Variants in BMP5 observed in about 807,000 individuals in gnomAD.
BMP5 encodes bone morphogenetic protein 5.
BMP5 carries 23 observed loss-of-function variants against 46.6 expected under a neutral mutation model. That is an observed-to-expected ratio of 0.49 (90% confidence interval 0.35 to 0.70). BMP5 has a LOEUF of 0.70. Among genes scored for constraint, BMP5 ranks in the 30% least tolerant of loss-of-function variants. BMP5 has a pLI of 0.00. For missense variants in BMP5, 545 were observed against 565.6 expected, an observed-to-expected ratio of 0.96 and a Z score of 0.37; for synonymous variants, 204 against 191.9, an observed-to-expected ratio of 1.06 and a Z score of -0.52.
At chr6:55,794,085 C>G (rs1775646077) in intron 3 of BMP5, among the ~76,000 whole-genome samples, 194 bp downstream of exon 3, 1 of 152,066 alleles carries the variant, frequency 6.6e-6, no homozygotes, top group South Asian at 2.1e-4. Flanking sequence ...CACCCCAGAG[C>G]CTGACAATAA....
At chr6:55,757,318 A>G (rs891204433) in intron 6 of BMP5, among the ~76,000 whole-genome samples, 2 of 151,958 alleles carry the variant, frequency 1.3e-5, no homozygotes, top group African/African-American at 4.8e-5. Flanking sequence ...TGATAAAAAG[A>G]GGCAAAGAAT....
At chr6:55,838,365 G>C (rs1046283344) in intron 1 of BMP5, among the ~76,000 whole-genome samples, 1 of 152,120 alleles carries the variant, frequency 6.6e-6, no homozygotes, top group African/African-American at 2.4e-5. Context: ...TCTCATTGCA[G>C]TTTTGATTTG....
chr6:55,861,182 T>C (rs566803158), intron 1 of BMP5, among the ~76,000 whole-genome samples: 2 of 152,322 alleles, frequency 1.3e-5, no homozygotes, highest in South Asian at 2.1e-4. Context: ...TTGTCAGCTG[T>C]AGATGTTCCT....
intron 1 of BMP5, among the ~76,000 whole-genome samples, chr6:55,867,598 G>A (rs1171870986): frequency 6.6e-6 from 1 of 152,066 alleles, no homozygotes; most frequent in Non-Finnish European, 1.5e-5. Context: ...CTAGCATCAC[G>A]GGCAAGTGAC....
intron 4 of BMP5, among the ~76,000 whole-genome samples, chr6:55,773,673 G>A (rs567416260): frequency 6.6e-5 from 10 of 152,000 alleles, no homozygotes; most frequent in African/African-American, 2.2e-4. Context: ...ACTTAAGTAC[G>A]AAAGAAAGGA....
intron 3 of BMP5, among the ~76,000 whole-genome samples, chr6:55,784,035 T>A (rs1467099981): frequency 6.6e-6 from 1 of 151,990 alleles, no homozygotes; most frequent in East Asian, 1.9e-4. Context: ...TGCTGAACTT[T>A]GGATAAGCAA....
intron 3 of BMP5, among the ~76,000 whole-genome samples, chr6:55,784,952 T>C (rs1202437182): frequency 1.3e-5 from 2 of 151,790 alleles, no homozygotes; most frequent in Non-Finnish European, 3.0e-5. Context: ...CATTTACTCG[T>C]GTACAAAATG....
intron 1 of BMP5, among the ~76,000 whole-genome samples, chr6:55,833,529 C>T (rs1396285050): frequency 6.6e-6 from 1 of 152,074 alleles, no homozygotes; most frequent in Non-Finnish European, 1.5e-5. Flanking sequence ...TAAAATAACT[C>T]TAGGAAGCCA....
intron 4 of BMP5, chr6:55,772,745 T>C (rs1314778646): frequency 7.1e-6 from 7 of 984,938 alleles, no homozygotes; most frequent in Non-Finnish European, 8.4e-6. Context: ...TTTTAAAACA[T>C]CACCTTATAA....
At position 55,819,700 on chromosome 6, in the gene BMP5, G is replaced by A; in HGVS notation, c.638C>T (p.Thr213Ile). Residue 213 changes from threonine (T) to isoleucine (I), a missense_variant, in exon 2 of 7, where the codon ACA becomes ATA. Transcript: ENST00000370830. ...GATTTGATATATGCTAATCTTAATTGTTTCATTTTCAAATCGGTTGTTGCT... is the reference window on the plus strand; with the variant it reads ...GATTTGATATATGCTAATCTTAATTATTTCATTTTCAAATCGGTTGTTGCT... The part of the protein sequence containing the change: ...DRSNNRFENE[T>I]IKISIYQIIK... The A allele has an allele frequency of 6.2e-7, 1 of 1,613,514 alleles. No individual in the cohort carries two copies. Among genetic ancestry groups the A allele is most frequent in the Non-Finnish European group, 8.5e-7 (1 of 1,179,686 alleles).
At chr6:55,790,674 G>A (rs1775554902) in intron 3 of BMP5, among the ~76,000 whole-genome samples, 1 of 152,098 alleles carries the variant, frequency 6.6e-6, no homozygotes, top group Non-Finnish European at 1.5e-5. Flanking sequence ...TTTACTTACT[G>A]TTTCTTCATC....
chr6:55,831,650 A>G (rs537616784), intron 1 of BMP5, among the ~76,000 whole-genome samples: 11 of 152,144 alleles, frequency 7.2e-5, no homozygotes, highest in African/African-American at 2.4e-4. Context: ...AAAAATAAAA[A>G]AAAAATGTCC....
chr6:55,766,848 T>G (rs1179278915), intron 4 of BMP5, among the ~76,000 whole-genome samples: 2 of 152,006 alleles, frequency 1.3e-5, no homozygotes, highest in African/African-American at 4.8e-5. Context: ...TAGAGCCATT[T>G]CATTTCTACA....
intron 2 of BMP5, among the ~76,000 whole-genome samples, chr6:55,798,766 C>A (rs1214547787): frequency 6.6e-6 from 1 of 152,048 alleles, no homozygotes; most frequent in Non-Finnish European, 1.5e-5. Context: ...CTCATCATGA[C>A]CAGAAGTTTA....
intron 2 of BMP5, among the ~76,000 whole-genome samples, chr6:55,805,701 T>C (rs996676228): frequency 1.3e-5 from 2 of 152,186 alleles, no homozygotes; most frequent in African/African-American, 4.8e-5. Flanking sequence ...AAAGCATTCC[T>C]ATCTCTCCAC....
intron 3 of BMP5, among the ~76,000 whole-genome samples, chr6:55,789,481 T>C (rs1454128065): frequency 6.6e-6 from 1 of 152,030 alleles, no homozygotes; most frequent in Non-Finnish European, 1.5e-5. Flanking sequence ...TAAATTGCTA[T>C]CTGTGTAATA....
At chr6:55,804,254 AGAG>A (rs1423774573) in intron 2 of BMP5, among the ~76,000 whole-genome samples, 1 of 152,216 alleles carries the variant, frequency 6.6e-6, no homozygotes, top group Non-Finnish European at 1.5e-5. Flanking sequence ...TATAAGAAGA[AGAG>A]GAGAGACACA....
intron 1 of BMP5, among the ~76,000 whole-genome samples, chr6:55,849,669 A>G (rs1777177415): frequency 6.6e-6 from 1 of 152,020 alleles, no homozygotes; most frequent in Non-Finnish European, 1.5e-5. Context: ...CAGAGTGAGG[A>G]GTTTGAATTT....
At position 55,759,072 on chromosome 6, in the gene BMP5, T is replaced by C. The variant is rs1041672491; in HGVS notation, c.1148A>G (p.Asp383Gly). The C allele has an allele frequency of 6.7e-7, 1 of 1,489,842 alleles. No homozygotes were observed. The highest frequency in any genetic ancestry group is 9.0e-7 in the Non-Finnish European group (1 of 1,110,224). 92.3% of individuals were successfully genotyped at this position (1,489,842 alleles called of 1,614,324 possible). Residue 383 changes from aspartate to glycine, a missense_variant, in exon 6 of 7, where the codon GAT becomes GGT. Transcript: ENST00000370830. ...GTTAAGTGGAAAAGAACATTCTCCA[T>C]CACAATAAAATGCAGCGTATCCTTC... ...APEGYAAFYC[D>G]GECSFPLNAH...
Sources: allele counts gnomAD v4.1 joint callset (sites outside exome capture counted in the v4.1 genomes callset), GRCh38; gene constraint gnomAD v4.1.1; transcripts MANE v1.5; gene names NCBI Gene and HGNC (gene_info 2026-07-23, HGNC 2026-07-21).